COBL: variants seen among roughly 807,000 people sequenced by gnomAD.
COBL encodes protein cordon-bleu.
COBL carries 51 observed loss-of-function variants against 98.8 expected under a neutral mutation model. The ratio of observed to expected loss-of-function variants is 0.52; its 90% CI spans 0.41 to 0.65. The LOEUF is 0.65. Ranked by LOEUF, COBL falls within the 30% of genes least tolerant of loss-of-function variation. The pLI is 0.00. For missense variants in COBL, 1,617 were observed against 1,617.5 expected, an observed-to-expected ratio of 1.00 and a Z score of 0.01; for synonymous variants, 634 against 651.7, an observed-to-expected ratio of 0.97 and a Z score of 0.41.
chr7:51,272,365 T>C (rs1206042547), intron 1 of COBL, among the ~76,000 whole-genome samples: 1 of 152,188 alleles, frequency 6.6e-6, no homozygotes, highest in Non-Finnish European at 1.5e-5. Flanking sequence ...CAATTCATAG[T>C]GTATGTTTCA....
At chr7:51,056,025 A>G (rs1303251171) in intron 7 of COBL, among the ~76,000 whole-genome samples, 3 of 152,226 alleles carry the variant, frequency 2.0e-5, no homozygotes, top group African/African-American at 7.2e-5. Context: ...AACTTGTCCC[A>G]AAATGCCCTC....
chr7:51,252,412 T>A (rs1796802971), intron 1 of COBL, among the ~76,000 whole-genome samples: 1 of 152,110 alleles, frequency 6.6e-6, no homozygotes, highest in Non-Finnish European at 1.5e-5. Flanking sequence ...CAACCACTGA[T>A]CCAGTATTAA....
intron 7 of COBL, among the ~76,000 whole-genome samples, chr7:51,059,592 G>C (rs763856365): frequency 1.4e-5 from 2 of 144,324 alleles, no homozygotes; most frequent in African/African-American, 5.1e-5. Context: ...TTCTAGGAGG[G>C]AGTCCCAGGA....
chr7:51,108,831 A>G (rs947129827), intron 6 of COBL, among the ~76,000 whole-genome samples: 1 of 151,940 alleles, frequency 6.6e-6, no homozygotes, highest in Admixed American at 6.6e-5. Flanking sequence ...GCTCTTGTAT[A>G]GCTCTCCAGT....
At chr7:51,198,112 A>T (rs1790764873) in intron 2 of COBL, among the ~76,000 whole-genome samples, 1 of 152,168 alleles carries the variant, frequency 6.6e-6, no homozygotes, top group Non-Finnish European at 1.5e-5. Flanking sequence ...TAGTGTCAGT[A>T]GTCTGTGTAC....
rs1407262738 is a variant in COBL at position 51,028,063 on chromosome 7, C to G, written c.3033G>C (p.Glu1011Asp). The change falls in exon 10 of 13, where the codon GAG becomes GAC. Residue 1011 changes from glutamate to aspartate, a missense_variant. Physicochemically the swap from Glu to Asp is conservative, Grantham distance 45. Around this residue, in one of 3 missense-constraint regions of COBL, gnomAD observed 1,304 missense variants for 1,282.0 expected, o/e 1.02. Coordinates refer to ENST00000265136, the MANE Select transcript of COBL (RefSeq NM_015198.5). ...TSSQEASSASEPRRAPDGTDP... is the reference protein window; with the variant it reads ...TSSQEASSASDPRRAPDGTDP... ...CTGTACCATCAGGTGCGCGTCTGGG[C>G]TCAGATGCTGAGCTGGCCTCCTGGC... The G allele has an allele frequency of 1.2e-6, 2 of 1,612,380 alleles. No individual in the cohort carries two copies. Among genetic ancestry groups the G allele is most frequent in the East Asian group, 4.5e-5 (2 of 44,880 alleles).
chr7:51,121,497 C>T (rs992121052), intron 6 of COBL, among the ~76,000 whole-genome samples: 3 of 152,126 alleles, frequency 2.0e-5, no homozygotes, highest in African/African-American at 7.2e-5. Context: ...CTTTGGTGCA[C>T]AAAAGTAAAA....
chr7:51,027,620 C>T lies in COBL; in HGVS notation c.3384+92G>A, dbSNP rs1170660314. The T allele has an allele frequency of 1.5e-5, 16 of 1,098,340 alleles. No homozygotes were observed. In the East Asian group the frequency reaches 3.8e-4, roughly 26 times the overall value. 68.0% of individuals were successfully genotyped at this position (1,098,340 alleles called of 1,614,324 possible). On this transcript the variant is annotated intron_variant, in intron 10 of 12. Transcript: ENST00000265136. ...CCTCACTGTTATCCTAATCCCGTCTCTCTCTCTCCTCCGCTTTATTCTGAG... is the reference window on the plus strand; with the variant it reads ...CCTCACTGTTATCCTAATCCCGTCTTTCTCTCTCCTCCGCTTTATTCTGAG...
At chr7:51,107,092 G>GTTTTTTTTTT (rs1160414563) in intron 6 of COBL, among the ~76,000 whole-genome samples, 1 of 63,372 alleles carries the variant, frequency 1.6e-5, no homozygotes, top group African/African-American at 4.7e-5. Context: ...TAGTTTGTTT[G>GTTTTTTTTTT]TTTTTTTTTT....
rs535187034 is a variant in COBL, at chr7:51,072,140, T to A, written c.1096+13026A>T. ...AATCCTACATGTCAGGAATACTTAC[T>A]GATTCTTTTTTTTTTTTTCCATTTT... On this transcript the variant is annotated intron_variant, in intron 7 of 12. Transcript: ENST00000265136. The A allele has an allele frequency of 2.6e-5, 4 of 152,262 alleles. No homozygotes were observed. In the South Asian group the frequency reaches 8.3e-4, roughly 32 times the overall value. 9.4% of individuals were successfully genotyped at this position (152,262 alleles called of 1,614,324 possible).
At chr7:51,241,843 CCTCT>C (rs1795822668) in intron 1 of COBL, among the ~76,000 whole-genome samples, 1 of 152,164 alleles carries the variant, frequency 6.6e-6, no homozygotes, top group Non-Finnish European at 1.5e-5. Context: ...AGGGAGGAGT[CCTCT>C]CACATGGGAT....
chr7:51,187,161 C>T (rs1057491795), intron 4 of COBL, among the ~76,000 whole-genome samples: 4 of 151,920 alleles, frequency 2.6e-5, no homozygotes, highest in East Asian at 1.9e-4. Context: ...TAAAGACCAA[C>T]GAGTCCAAAC....
chr7:51,073,269 G>T lies in COBL; in HGVS notation c.1096+11897C>A. 6.5e-6 allele frequency: 4 copies of T among 620,124 alleles called. No homozygotes were observed. The Admixed American group carries it at 9.8e-5, about 15-fold the overall frequency. The allele number at this position is 620,124 out of a possible 1,614,324, so 38.4% of individuals were successfully genotyped here. A position where few individuals can be genotyped will look rare whatever the true frequency, so the allele number is the denominator to read the frequency against. On this transcript the variant is annotated intron_variant, in intron 7 of 12. Coordinates refer to ENST00000265136, the MANE Select transcript of COBL (RefSeq NM_015198.5). ...AGCCCTTTTATCCTGAAAGGAGGAA[G>T]AACAACAGGAAAATCAGAGCCAGGG...
chr7:51,272,982 C>A (rs113412319), intron 1 of COBL, among the ~76,000 whole-genome samples: 112 of 151,372 alleles, frequency 7.4e-4, no homozygotes, highest in African/African-American at 2.7e-3. Flanking sequence ...ACAACAACAA[C>A]AACAAAAACA....
At chr7:51,104,818 A>G (rs552219439) in intron 6 of COBL, among the ~76,000 whole-genome samples, 2 of 152,300 alleles carry the variant, frequency 1.3e-5, no homozygotes, top group African/African-American at 2.4e-5. Flanking sequence ...GGCTAAATGC[A>G]TTGACATGTA....
chr7:51,129,528 A>G (rs1289106256), intron 6 of COBL, among the ~76,000 whole-genome samples: 3 of 152,166 alleles, frequency 2.0e-5, no homozygotes, highest in Non-Finnish European at 4.4e-5. Flanking sequence ...AAGTAAGTTC[A>G]TATAAATATT....
intron 5 of COBL, among the ~76,000 whole-genome samples, chr7:51,182,674 G>A (rs892951936): frequency 3.9e-5 from 6 of 152,004 alleles, no homozygotes; most frequent in Non-Finnish European, 8.8e-5. Context: ...AGGGGGAGAG[G>A]AAGGGATAGT....
chr7:51,108,325 G>A (rs549666417), intron 6 of COBL, among the ~76,000 whole-genome samples: 45 of 151,546 alleles, frequency 3.0e-4, no homozygotes, highest in African/African-American at 9.9e-4. Flanking sequence ...TGTGTGGCTC[G>A]TTGCTGTGCA....
At chr7:51,054,235 G>A (rs192983040) in intron 7 of COBL, among the ~76,000 whole-genome samples, 5 of 152,212 alleles carry the variant, frequency 3.3e-5, no homozygotes, top group South Asian at 2.1e-4. Context: ...GAAACTTTTC[G>A]CTTTTTTTTT....
Sources: allele counts gnomAD v4.1 joint callset (sites outside exome capture counted in the v4.1 genomes callset), GRCh38; gene constraint gnomAD v4.1.1; regional missense constraint gnomAD v4.1.1; transcripts MANE v1.5; gene names NCBI Gene and HGNC (gene_info 2026-07-23, HGNC 2026-07-21).